NKAIN2: variants seen among roughly 807,000 people sequenced by gnomAD.
NKAIN2 encodes the protein sodium/potassium-transporting ATPase subunit beta-1-interacting protein 2.
In NKAIN2, 14 loss-of-function variants were observed where a neutral mutation model predicts 32.6. That is an observed-to-expected ratio of 0.43 (90% CI 0.28 to 0.67). The LOEUF (loss-of-function observed/expected upper bound fraction) is 0.67, where lower values mean the gene tolerates loss of function less well. NKAIN2 is among the 30% of genes least tolerant of loss of function. The pLI, the probability that NKAIN2 is intolerant of heterozygous loss-of-function variation, is 0.17. For synonymous variants in NKAIN2, 80 were observed against 87.2 expected (o/e 0.92, Z 0.46); for missense variants, 198 against 258.3 (o/e 0.77, Z 1.60).
intron 3 of NKAIN2, among the ~76,000 whole-genome samples, chr6:124,508,119 C>T (rs1254953032): frequency 1.3e-5 from 2 of 149,804 alleles, no homozygotes; most frequent in South Asian, 2.1e-4. Flanking sequence ...AAGCTGGGCA[C>T]GATGGCACAC....
intron 3 of NKAIN2, among the ~76,000 whole-genome samples, chr6:124,616,708 C>A (rs1420458828): frequency 6.6e-6 from 1 of 151,694 alleles, no homozygotes; most frequent in Admixed American, 6.6e-5. Flanking sequence ...TCGTGATCTA[C>A]CCGCCTCGGC....
chr6:123,969,698 C>T (rs2114632906), intron 1 of NKAIN2, among the ~76,000 whole-genome samples: 1 of 152,290 alleles, frequency 6.6e-6, no homozygotes, highest in Middle Eastern at 3.4e-3. Context: ...ACTCTGGATA[C>T]AGTTGCCAGT....
intron 3 of NKAIN2, among the ~76,000 whole-genome samples, chr6:124,511,237 G>A (rs1433911474): frequency 6.6e-6 from 1 of 152,102 alleles, no homozygotes; most frequent in Non-Finnish European, 1.5e-5. Flanking sequence ...TTAGTTCAGA[G>A]ATTATAAATG....
At chr6:124,434,113 G>T (rs1182976171) in intron 3 of NKAIN2, among the ~76,000 whole-genome samples, 2 of 152,172 alleles carry the variant, frequency 1.3e-5, no homozygotes, top group East Asian at 3.9e-4. Flanking sequence ...TATGGCATTT[G>T]CTGTGTTCTC....
intron 2 of NKAIN2, among the ~76,000 whole-genome samples, chr6:124,349,387 C>T (rs189298504): frequency 1.6e-3 from 237 of 152,114 alleles, no homozygotes; most frequent in Non-Finnish European, 2.7e-3. Flanking sequence ...TTTTACTTGG[C>T]TGCCTCATTA....
intron 1 of NKAIN2, among the ~76,000 whole-genome samples, chr6:124,074,560 C>T (rs948580447): frequency 2.6e-5 from 4 of 152,188 alleles, no homozygotes. Context: ...AAGGGCTGTG[C>T]AAGTGAGGGA....
At chr6:123,911,782 CA>C in intron 1 of NKAIN2, among the ~76,000 whole-genome samples, 1 of 105,616 alleles carries the variant, frequency 9.5e-6, no homozygotes, top group South Asian at 3.0e-4. Flanking sequence ...TACATACATA[CA>C]TATATATATA....
chr6:124,575,528 C>T (rs1448503810), intron 3 of NKAIN2, among the ~76,000 whole-genome samples: 2 of 152,186 alleles, frequency 1.3e-5, no homozygotes, highest in African/African-American at 4.8e-5. Flanking sequence ...TCCTTTGAGT[C>T]ACAAATTTCT....
At chr6:124,766,739 T>A (rs1258909331) in intron 4 of NKAIN2, among the ~76,000 whole-genome samples, 4 of 152,134 alleles carry the variant, frequency 2.6e-5, no homozygotes, top group Non-Finnish European at 5.9e-5. Context: ...TTTCCTAAAC[T>A]CTCTCTCTTT....
rs115135608 is a variant in NKAIN2 at position 124,757,390 on chromosome 6, A to C, written c.475-33949A>C. ...CATATATTGATACATATTATTACTTACTGGATCCCTGTTCTCATTTTTTCC... is the reference window on the plus strand; with the variant it reads ...CATATATTGATACATATTATTACTTCCTGGATCCCTGTTCTCATTTTTTCC... On this transcript the variant is annotated intron_variant, in intron 4 of 6. Transcript: ENST00000368417. Among the ~76,000 whole-genome samples the C allele has an allele frequency of 7.2e-4, 109 of 152,176 alleles. 1 individual carries two copies. The highest frequency in any genetic ancestry group is 2.5e-3 in the African/African-American group (103 of 41,506).
At chr6:124,807,122 C>G (rs1358412547) in intron 5 of NKAIN2, among the ~76,000 whole-genome samples, 1 of 151,906 alleles carries the variant, frequency 6.6e-6, no homozygotes, top group African/African-American at 2.4e-5. Flanking sequence ...TTGAACTCAG[C>G]TCTGCACCAA....
chr6:124,053,425 C>T (rs1004510541), intron 1 of NKAIN2, among the ~76,000 whole-genome samples: 1 of 152,076 alleles, frequency 6.6e-6, no homozygotes, highest in Non-Finnish European at 1.5e-5. Flanking sequence ...ATTTGCTAAG[C>T]ATTAAACACC....
At chr6:124,353,551 G>C (rs1798827891) in intron 2 of NKAIN2, among the ~76,000 whole-genome samples, 1 of 152,180 alleles carries the variant, frequency 6.6e-6, no homozygotes, top group South Asian at 2.1e-4. Context: ...TCAGGAGATC[G>C]AGACCATCCT....
chr6:124,456,525 T>G (rs1476509675), intron 3 of NKAIN2, among the ~76,000 whole-genome samples: 1 of 151,966 alleles, frequency 6.6e-6, no homozygotes, highest in East Asian at 1.9e-4. Flanking sequence ...TTAATTTGCT[T>G]GATCTAATAA....
intron 2 of NKAIN2, among the ~76,000 whole-genome samples, chr6:124,344,269 G>A (rs1345029910): frequency 6.6e-6 from 1 of 152,090 alleles, no homozygotes; most frequent in Non-Finnish European, 1.5e-5. Flanking sequence ...GTAGCGTGAT[G>A]CCTCCAGCTT....
At position 123,812,528 on chromosome 6, in the gene NKAIN2, G is replaced by A. The variant is rs913603261; in HGVS notation, c.54+8274G>A. On this transcript the variant is annotated intron_variant, in intron 1 of 6. Transcript: ENST00000368417. ...AATCAAAACCCTTAACTGAAGCTCA[G>A]TCAAGTCCAATTGCTGATGTTGCAA... 2.6e-5 allele frequency among the ~76,000 whole-genome samples: 4 copies of A among 152,292 alleles called. No individual in the cohort carries two copies. The East Asian group carries it at 7.7e-4, about 29-fold the overall frequency.
At chr6:124,239,320 A>G (rs1324790083) in intron 1 of NKAIN2, among the ~76,000 whole-genome samples, 33 of 152,130 alleles carry the variant, frequency 2.2e-4, no homozygotes, top group Admixed American at 2.0e-3. Context: ...CCCACTGTCA[A>G]TATTAGACAG....
chr6:124,123,609 G>T (rs753103879), intron 1 of NKAIN2, among the ~76,000 whole-genome samples: 9 of 152,046 alleles, frequency 5.9e-5, no homozygotes, highest in Non-Finnish European at 1.2e-4. Context: ...TCTAGTGATT[G>T]ATAAAAAAAT....
intron 1 of NKAIN2, among the ~76,000 whole-genome samples, chr6:124,239,891 G>C (rs1408424720): frequency 4.6e-5 from 7 of 151,950 alleles, no homozygotes; most frequent in African/African-American, 1.7e-4. Flanking sequence ...AAATAACTAA[G>C]ATCAGAGCAG....
Sources: allele counts gnomAD v4.1 joint callset (sites outside exome capture counted in the v4.1 genomes callset), GRCh38; gene constraint gnomAD v4.1.1; transcripts MANE v1.5; gene names NCBI Gene and HGNC (gene_info 2026-07-23, HGNC 2026-07-21).